The following ADAMTSL1 variants were observed in gnomAD, a reference collection of about 807,000 sequenced individuals.
ADAMTSL1 encodes ADAMTS-like protein 1.
In ADAMTSL1, 126 loss-of-function variants were observed where a neutral mutation model predicts 201.8. The ratio of observed to expected loss-of-function variants is 0.62; its 90% CI spans 0.54 to 0.72. The LOEUF (loss-of-function observed/expected upper bound fraction) is 0.72. ADAMTSL1 is among the 30% of genes least tolerant of loss of function. The pLI, the probability that ADAMTSL1 is intolerant of heterozygous loss-of-function variation, is 0.00. For synonymous variants in ADAMTSL1, 1,121 were observed against 903.4 expected (o/e 1.24, Z -4.32); for missense variants, 2,679 against 2,277.8 (o/e 1.18, Z -3.59).
chr9:18,187,760 G>A (rs191138607), intron 2 of ADAMTSL1, among the ~76,000 whole-genome samples: 142 of 152,172 alleles, frequency 9.3e-4, no homozygotes, highest in South Asian at 3.3e-3. Flanking sequence ...AAAAAAGCAG[G>A]TAGGGAAGGA....
Position 18,706,733 on chromosome 9 carries a change from C to G in ADAMTSL1, c.1575-14C>G, listed in dbSNP as rs145210291. 4 of 1,581,198 alleles carry G rather than the reference C, an allele frequency of 2.5e-6. No homozygotes were observed. Among genetic ancestry groups the G allele is most frequent in the Admixed American group, 1.8e-5 (1 of 55,942 alleles). On this transcript the variant is annotated splice_polypyrimidine_tract_variant and intron_variant, in intron 13 of 28. Transcript: ENST00000380548. ...GCTTCTCATCCTGTCCTCTTGTTTGCTTGCCGACTGCAGGTTCATCCCAGA... is the reference window on the plus strand; with the variant it reads ...GCTTCTCATCCTGTCCTCTTGTTTGGTTGCCGACTGCAGGTTCATCCCAGA...
At chr9:18,221,924 A>G (rs1830274484) in intron 2 of ADAMTSL1, among the ~76,000 whole-genome samples, 1 of 151,952 alleles carries the variant, frequency 6.6e-6, no homozygotes, top group African/African-American at 2.4e-5. Flanking sequence ...ATTTATAATG[A>G]TTTTCTTCAA....
chr9:18,588,999 C>A (rs1018159345), intron 4 of ADAMTSL1, among the ~76,000 whole-genome samples: 2 of 148,604 alleles, frequency 1.3e-5, no homozygotes, highest in Non-Finnish European at 1.5e-5. Context: ...AACCTCCACC[C>A]CTTAGTATCT....
intron 2 of ADAMTSL1, among the ~76,000 whole-genome samples, chr9:18,259,774 G>A (rs999024727): frequency 3.9e-5 from 6 of 152,122 alleles, no homozygotes; most frequent in Non-Finnish European, 7.3e-5. Context: ...AATAGGTGAC[G>A]TGCTTAGAGT....
At chr9:18,857,577 C>G (rs543830546) in intron 23 of ADAMTSL1, among the ~76,000 whole-genome samples, 1 of 152,284 alleles carries the variant, frequency 6.6e-6, no homozygotes, top group East Asian at 1.9e-4. Context: ...ATTATGATTT[C>G]CTTTATACCA....
At chr9:18,327,467 T>C (rs1028868191) in intron 2 of ADAMTSL1, among the ~76,000 whole-genome samples, 3 of 152,202 alleles carry the variant, frequency 2.0e-5, no homozygotes, top group Admixed American at 6.5e-5. Flanking sequence ...CTTGGCAGAA[T>C]TGAAAGTCAA....
At chr9:18,715,833 G>A (rs200253007) in intron 14 of ADAMTSL1, among the ~76,000 whole-genome samples, 2 of 151,924 alleles carry the variant, frequency 1.3e-5, no homozygotes, top group South Asian at 2.1e-4. Flanking sequence ...CTGACTTCAA[G>A]CCATACTACA....
At chr9:18,766,406 A>G (rs1303258019) in intron 16 of ADAMTSL1, among the ~76,000 whole-genome samples, 1 of 152,140 alleles carries the variant, frequency 6.6e-6, no homozygotes, top group Non-Finnish European at 1.5e-5. Context: ...CACTCTTGCT[A>G]TGGTGTGGAG....
intron 2 of ADAMTSL1, among the ~76,000 whole-genome samples, chr9:18,522,592 C>A (rs1818767716): frequency 7.5e-6 from 1 of 133,208 alleles, no homozygotes; most frequent in Non-Finnish European, 1.6e-5. Context: ...CCGCCCCCCT[C>A]CCCACACCCC....
At chr9:18,874,372 T>C (rs547381349) in intron 23 of ADAMTSL1, among the ~76,000 whole-genome samples, 1 of 152,270 alleles carries the variant, frequency 6.6e-6, no homozygotes, top group Non-Finnish European at 1.5e-5. Context: ...TCTTGTCTTG[T>C]TCTGGTTCTC....
At chr9:18,254,912 C>T (rs938769950) in intron 2 of ADAMTSL1, among the ~76,000 whole-genome samples, 4 of 152,060 alleles carry the variant, frequency 2.6e-5, no homozygotes. Context: ...AATTGGTAAT[C>T]TTCCCTTGTC....
At chr9:18,698,281 T>C (rs1831685387) in intron 13 of ADAMTSL1, among the ~76,000 whole-genome samples, 1 of 152,074 alleles carries the variant, frequency 6.6e-6, no homozygotes, top group Non-Finnish European at 1.5e-5. Context: ...GGCACTGCAA[T>C]ATTTTAATTT....
intron 1 of ADAMTSL1, among the ~76,000 whole-genome samples, chr9:18,132,212 C>T (rs1257517631): frequency 6.6e-6 from 1 of 152,164 alleles, no homozygotes; most frequent in South Asian, 2.1e-4. Context: ...CCTGAGTCCA[C>T]ATGGTTTTCT....
At chr9:18,177,586 C>A (rs1290025483) in intron 2 of ADAMTSL1, among the ~76,000 whole-genome samples, 1 of 152,164 alleles carries the variant, frequency 6.6e-6, no homozygotes, top group Non-Finnish European at 1.5e-5. Flanking sequence ...TCTAAGTCAT[C>A]CATGCCTCCC....
intron 2 of ADAMTSL1, among the ~76,000 whole-genome samples, chr9:18,285,210 A>G (rs1415197974): frequency 1.3e-5 from 2 of 152,212 alleles, no homozygotes; most frequent in Non-Finnish European, 1.5e-5. Context: ...TACATATTTT[A>G]TGATATCATA....
At chr9:18,716,053 G>C (rs1291201262) in intron 14 of ADAMTSL1, among the ~76,000 whole-genome samples, 1 of 150,262 alleles carries the variant, frequency 6.7e-6, no homozygotes, top group Admixed American at 6.6e-5. Context: ...GCTGAAACTG[G>C]ATCCCTTCCT....
At chr9:18,343,549 T>C (rs924000934) in intron 2 of ADAMTSL1, among the ~76,000 whole-genome samples, 2 of 152,186 alleles carry the variant, frequency 1.3e-5, no homozygotes, top group Non-Finnish European at 2.9e-5. Context: ...ATTTGTGTCA[T>C]TGGTAGTCAG....
intron 23 of ADAMTSL1, among the ~76,000 whole-genome samples, chr9:18,841,352 T>G (rs1335679865): frequency 6.6e-6 from 1 of 152,162 alleles, no homozygotes; most frequent in Non-Finnish European, 1.5e-5. Flanking sequence ...TTGATTTGCA[T>G]ATATTGAACC....
intron 17 of ADAMTSL1, among the ~76,000 whole-genome samples, chr9:18,771,919 A>T (rs1327443264): frequency 6.6e-6 from 1 of 152,142 alleles, no homozygotes; most frequent in Non-Finnish European, 1.5e-5. Flanking sequence ...TGCTAAGTGC[A>T]TTGCAATTAA....
Sources: allele counts gnomAD v4.1 joint callset (sites outside exome capture counted in the v4.1 genomes callset), GRCh38; gene constraint gnomAD v4.1.1; transcripts MANE v1.5; gene names NCBI Gene and HGNC (gene_info 2026-07-23, HGNC 2026-07-21).